Variants in ADAMTSL1 observed in about 807,000 individuals in gnomAD.
ADAMTSL1 encodes ADAMTS like 1.
In ADAMTSL1, 126 loss-of-function variants were observed where a neutral mutation model predicts 201.8. That is an observed-to-expected ratio of 0.62 (90% confidence interval 0.54 to 0.72). The LOEUF (loss-of-function observed/expected upper bound fraction) is 0.72, where lower values mean the gene tolerates loss of function less well. Among genes scored for constraint, ADAMTSL1 ranks in the 30% least tolerant of loss-of-function variants. The probability of loss-of-function intolerance (pLI) is 0.00; values close to 1 mark genes in which losing one functional copy is unlikely to be tolerated. For missense variants in ADAMTSL1, 2,679 were observed against 2,277.8 expected (o/e 1.18, Z -3.59); for synonymous variants, 1,121 against 903.4 (o/e 1.24, Z -4.32).
At chr9:18,805,721 T>C (rs528618850) in intron 20 of ADAMTSL1, among the ~76,000 whole-genome samples, 1 of 152,292 alleles carries the variant, frequency 6.6e-6, no homozygotes, top group East Asian at 1.9e-4. Context: ...TCATCGTGTG[T>C]TTTTGCTCTT....
At chr9:18,254,029 G>C (rs773684992) in intron 2 of ADAMTSL1, among the ~76,000 whole-genome samples, 1 of 152,066 alleles carries the variant, frequency 6.6e-6, no homozygotes, top group East Asian at 1.9e-4. Context: ...AGATATCATC[G>C]TGTTTGGGAG....
At chr9:18,066,779 C>G (rs562271369) in intron 1 of ADAMTSL1, among the ~76,000 whole-genome samples, 5 of 152,102 alleles carry the variant, frequency 3.3e-5, no homozygotes, top group African/African-American at 1.2e-4. Flanking sequence ...AAATGTGGCA[C>G]ATATACACCA....
chr9:17,976,893 A>G (rs2772681), intron 1 of ADAMTSL1, among the ~76,000 whole-genome samples: 127,538 of 151,876 alleles, frequency 0.84, 53,773 homozygotes, highest in East Asian at 0.94. Context: ...TGGCAAGAAT[A>G]GGTATTGTTT....
intron 4 of ADAMTSL1, among the ~76,000 whole-genome samples, chr9:18,580,699 G>C (rs912446329): frequency 2.0e-5 from 3 of 152,066 alleles, no homozygotes; most frequent in African/African-American, 7.2e-5. Flanking sequence ...TACATTTTTA[G>C]AGTTATTGTG....
At chr9:18,155,822 C>T (rs980634325) in intron 1 of ADAMTSL1, among the ~76,000 whole-genome samples, 3 of 151,974 alleles carry the variant, frequency 2.0e-5, no homozygotes, top group Admixed American at 2.0e-4. Context: ...TCCAATAGTA[C>T]TTGGGTCAAA....
intron 2 of ADAMTSL1, among the ~76,000 whole-genome samples, chr9:18,203,435 T>C (rs1212335429): frequency 2.0e-5 from 3 of 151,742 alleles, no homozygotes; most frequent in Admixed American, 1.3e-4. Flanking sequence ...ATACAGGGTC[T>C]ATGTAATAGA....
intron 1 of ADAMTSL1, among the ~76,000 whole-genome samples, chr9:18,029,687 A>C (rs1405629903): frequency 2.6e-5 from 4 of 152,268 alleles, no homozygotes; most frequent in Middle Eastern, 3.4e-3. Context: ...CAATGAACTC[A>C]AACAAATTTA....
intron 21 of ADAMTSL1, among the ~76,000 whole-genome samples, chr9:18,817,528 A>G (rs913009538): frequency 2.6e-5 from 4 of 152,222 alleles, no homozygotes; most frequent in African/African-American, 7.2e-5. Context: ...GGGGGCAAGG[A>G]GTTCCAAGTG....
chr9:18,755,820 C>T (rs1439141346), intron 16 of ADAMTSL1, among the ~76,000 whole-genome samples: 1 of 151,978 alleles, frequency 6.6e-6, no homozygotes. Context: ...TAAGTTCATT[C>T]TTCAGGTTGG....
At position 18,532,493 on chromosome 9, in the gene ADAMTSL1, A is replaced by C. The variant is rs867434425; in HGVS notation, c.192-754A>C. Among the ~76,000 whole-genome samples, 7 of 152,260 alleles carry C rather than the reference A, an allele frequency of 4.6e-5. 1 individual carries two copies. The Middle Eastern group carries it at 0.01, about 222-fold the overall frequency. ...AAATAATGAAAGAATAATTATGGAA[A>C]AAATTACATCAGTTGATAGAATATT... On this transcript the variant is annotated intron_variant, in intron 2 of 28. Coordinates refer to ENST00000380548, the MANE Select transcript of ADAMTSL1 (RefSeq NM_001040272.6).
chr9:18,572,018 C>A (rs1822342064), intron 3 of ADAMTSL1, among the ~76,000 whole-genome samples: 3 of 151,970 alleles, frequency 2.0e-5, no homozygotes, highest in African/African-American at 4.8e-5. Context: ...CATGGCAAAA[C>A]CCTGTCTCTA....
chr9:18,150,091 C>T (rs148902577), intron 1 of ADAMTSL1, among the ~76,000 whole-genome samples: 1 of 151,886 alleles, frequency 6.6e-6, no homozygotes. Flanking sequence ...GCTTAATAGG[C>T]AATTGGGGAT....
At chr9:18,024,225 A>G (rs1404251970) in intron 1 of ADAMTSL1, among the ~76,000 whole-genome samples, 1 of 152,180 alleles carries the variant, frequency 6.6e-6, no homozygotes, top group Non-Finnish European at 1.5e-5. Context: ...TTATATTAAC[A>G]TAAAAGGAAA....
At chr9:18,244,631 C>T (rs567859901) in intron 2 of ADAMTSL1, among the ~76,000 whole-genome samples, 2 of 152,116 alleles carry the variant, frequency 1.3e-5, no homozygotes, top group Non-Finnish European at 2.9e-5. Context: ...CTTCTCGGGA[C>T]TTTCTCCAAT....
Position 18,908,847 on chromosome 9 carries a change from G to T in ADAMTSL1, c.*299G>T. 1 of 280,592 alleles carries T rather than the reference G, an allele frequency of 3.6e-6. No homozygotes were observed. Among genetic ancestry groups the T allele is most frequent in the Non-Finnish European group, 6.7e-6 (1 of 149,444 alleles). The allele number at this position is 280,592 out of a possible 1,614,324, so 17.4% of individuals were successfully genotyped here. The stretch of plus-strand genomic sequence containing the variant: ...AAGAGCTTCCTCCCTCCCAAACCTG[G>T]GTCTCAAAGACCTAGAAAGAGGCAG... On this transcript the variant is annotated 3_prime_UTR_variant, in exon 29 of 29. Transcript: ENST00000380548.
chr9:18,770,119 T>C (rs999551278), intron 16 of ADAMTSL1, among the ~76,000 whole-genome samples: 15 of 152,146 alleles, frequency 9.9e-5, no homozygotes, highest in Non-Finnish European at 7.4e-5. Flanking sequence ...ACCCTAAATC[T>C]AATGCCCATT....
chr9:18,668,857 G>A (rs1189303306), intron 9 of ADAMTSL1, among the ~76,000 whole-genome samples: 1 of 152,190 alleles, frequency 6.6e-6, no homozygotes, highest in African/African-American at 2.4e-5. Flanking sequence ...AGGTTAGCGG[G>A]CTGGGGGTTG....
At chr9:18,414,287 A>G (rs1414926982) in intron 2 of ADAMTSL1, among the ~76,000 whole-genome samples, 1 of 152,222 alleles carries the variant, frequency 6.6e-6, no homozygotes, top group Non-Finnish European at 1.5e-5. Context: ...CTCCCTACTA[A>G]TTGATTCTAA....
At chr9:18,177,648 C>T (rs985010429) in intron 2 of ADAMTSL1, among the ~76,000 whole-genome samples, 1 of 152,188 alleles carries the variant, frequency 6.6e-6, no homozygotes, top group Non-Finnish European at 1.5e-5. Context: ...CCAGTCATTA[C>T]ACCTATATTC....
Sources: allele counts gnomAD v4.1 joint callset (sites outside exome capture counted in the v4.1 genomes callset), GRCh38; gene constraint gnomAD v4.1.1; transcripts MANE v1.5; gene names NCBI Gene and HGNC (gene_info 2026-07-23, HGNC 2026-07-21).